The following LRCH1 variants were observed in gnomAD, a reference collection of about 807,000 sequenced individuals.
LRCH1 encodes the protein leucine-rich repeat and calponin homology domain-containing protein 1.
Under a neutral mutation model 94.9 loss-of-function variants are expected in LRCH1, and 23 were observed. That is an observed-to-expected ratio of 0.24 (90% CI 0.17 to 0.34). LRCH1 has a LOEUF of 0.34. Among genes scored for constraint, LRCH1 ranks in the 10% least tolerant of loss-of-function variants. LRCH1 has a pLI of 1.00. For synonymous variants in LRCH1, 364 were observed against 354.9 expected, an observed-to-expected ratio of 1.03 and a Z score of -0.29; for missense variants, 790 against 945.9, an observed-to-expected ratio of 0.84 and a Z score of 2.16.
chr13:46,574,102 C>T (rs977875836), intron 1 of LRCH1, among the ~76,000 whole-genome samples: 6 of 151,370 alleles, frequency 4.0e-5, no homozygotes, highest in African/African-American at 7.3e-5. Flanking sequence ...CCGCCTGCCT[C>T]GGCCTCCCAA....
chr13:46,729,565 AAAAG>A (rs1873000850), intron 18 of LRCH1, among the ~76,000 whole-genome samples: 1 of 151,570 alleles, frequency 6.6e-6, no homozygotes, highest in Non-Finnish European at 1.5e-5. Flanking sequence ...AAAAAAAAAA[AAAAG>A]AAAAAGAAAA....
chr13:46,702,651 T>G (rs1871542255), intron 11 of LRCH1, among the ~76,000 whole-genome samples: 2 of 152,162 alleles, frequency 1.3e-5, no homozygotes, highest in South Asian at 4.1e-4. Flanking sequence ...GATAGGATAA[T>G]GGCCTGGACC....
At chr13:46,703,988 C>T (rs1007779552) in intron 11 of LRCH1, among the ~76,000 whole-genome samples, 1 of 152,054 alleles carries the variant, frequency 6.6e-6, no homozygotes, top group Non-Finnish European at 1.5e-5. Context: ...TGATTTGCAT[C>T]TTTATGGAGC....
At chr13:46,607,632 C>T (rs879568443) in intron 1 of LRCH1, among the ~76,000 whole-genome samples, 4 of 151,578 alleles carry the variant, frequency 2.6e-5, no homozygotes, top group Non-Finnish European at 5.9e-5. Context: ...CCCCTTCCTC[C>T]TCTTCCTTCT....
At chr13:46,618,662 C>G (rs1252342776) in intron 1 of LRCH1, among the ~76,000 whole-genome samples, 1 of 152,206 alleles carries the variant, frequency 6.6e-6, no homozygotes, top group African/African-American at 2.4e-5. Context: ...AATGAAGGCT[C>G]TCAATGGGCA....
chr13:46,561,615 G>A (rs2137901220), intron 1 of LRCH1, among the ~76,000 whole-genome samples: 1 of 152,308 alleles, frequency 6.6e-6, no homozygotes, highest in East Asian at 1.9e-4. Flanking sequence ...CAATATTTCT[G>A]ATCTGGTTCA....
chr13:46,584,042 G>T (rs190936693), intron 1 of LRCH1, among the ~76,000 whole-genome samples: 164 of 144,978 alleles, frequency 1.1e-3, no homozygotes, highest in Non-Finnish European at 1.8e-3. Flanking sequence ...TTTTAGAGGT[G>T]GTATTTTATA....
intron 1 of LRCH1, among the ~76,000 whole-genome samples, chr13:46,573,545 C>T (rs181529564): frequency 1.6e-4 from 24 of 152,014 alleles, no homozygotes; most frequent in African/African-American, 4.8e-4. Context: ...TACTATTCAG[C>T]CATAAAAAGA....
chr13:46,637,224 C>A (rs1161653332), intron 1 of LRCH1, among the ~76,000 whole-genome samples: 1 of 152,234 alleles, frequency 6.6e-6, no homozygotes, highest in African/African-American at 2.4e-5. Flanking sequence ...AATGTGACCA[C>A]TTCTTGTCAC....
intron 1 of LRCH1, among the ~76,000 whole-genome samples, chr13:46,627,954 A>G (rs986270957): frequency 5.3e-5 from 8 of 152,180 alleles, no homozygotes; most frequent in Non-Finnish European, 1.2e-4. Flanking sequence ...CTACAAAATC[A>G]TACATTCAGA....
At chr13:46,739,516 G>C (rs1873546773) in intron 19 of LRCH1, among the ~76,000 whole-genome samples, 1 of 152,088 alleles carries the variant, frequency 6.6e-6, no homozygotes, top group African/African-American at 2.4e-5. Flanking sequence ...GCTAAATTTT[G>C]GAAAGCACAA....
At chr13:46,589,433 G>T (rs949213186) in intron 1 of LRCH1, among the ~76,000 whole-genome samples, 3 of 151,754 alleles carry the variant, frequency 2.0e-5, no homozygotes, top group Non-Finnish European at 4.4e-5. Flanking sequence ...CATTATATCT[G>T]GTATCCAGTC....
intron 1 of LRCH1, among the ~76,000 whole-genome samples, chr13:46,608,791 G>T (rs934751223): frequency 6.6e-6 from 1 of 152,182 alleles, no homozygotes; most frequent in Non-Finnish European, 1.5e-5. Flanking sequence ...TCTAAAAATA[G>T]ATTTCTTTTT....
At chr13:46,714,625 T>C (rs2138204167) in intron 15 of LRCH1, among the ~76,000 whole-genome samples, 1 of 152,338 alleles carries the variant, frequency 6.6e-6, no homozygotes, top group African/African-American at 2.4e-5. Context: ...CATTTCTTTC[T>C]GTGTTTTCCT....
At chr13:46,620,724 G>T (rs1032722983) in intron 1 of LRCH1, among the ~76,000 whole-genome samples, 1 of 152,322 alleles carries the variant, frequency 6.6e-6, no homozygotes. Flanking sequence ...TTTGCTTTTT[G>T]AGTAGGACAT....
At chr13:46,640,200 A>G (rs1239093808) in intron 1 of LRCH1, among the ~76,000 whole-genome samples, 1 of 152,184 alleles carries the variant, frequency 6.6e-6, no homozygotes, top group Non-Finnish European at 1.5e-5. Context: ...TTATTTATTT[A>G]TTTGTGTCTC....
chr13:46,688,591 T>C (rs1227693148), intron 6 of LRCH1, among the ~76,000 whole-genome samples: 3 of 152,186 alleles, frequency 2.0e-5, no homozygotes, highest in Admixed American at 6.5e-5. Flanking sequence ...TTTTAAGAAG[T>C]CTTCACTGCA....
chr13:46,592,883 C>A (rs2050516182), intron 1 of LRCH1, among the ~76,000 whole-genome samples: 2 of 152,210 alleles, frequency 1.3e-5, no homozygotes, highest in South Asian at 4.1e-4. Flanking sequence ...TCAATATAGA[C>A]CATGATTTTG....
At chr13:46,691,931 AC>A (rs1427146879) in intron 7 of LRCH1, among the ~76,000 whole-genome samples, 3 of 151,842 alleles carry the variant, frequency 2.0e-5, no homozygotes, top group Non-Finnish European at 4.4e-5. Context: ...CTTGTGATCC[AC>A]CTGCCTCAGC....
Sources: allele counts gnomAD v4.1 joint callset (sites outside exome capture counted in the v4.1 genomes callset), GRCh38; gene constraint gnomAD v4.1.1; transcripts MANE v1.5; gene names NCBI Gene and HGNC (gene_info 2026-07-23, HGNC 2026-07-21).